CCSER1: variants seen among roughly 807,000 people sequenced by gnomAD.
CCSER1 encodes the protein serine-rich coiled-coil domain-containing protein 1.
Under a neutral mutation model 82.0 loss-of-function variants are expected in CCSER1, and 41 were observed. The ratio of observed to expected loss-of-function variants is 0.50; its 90% confidence interval spans 0.39 to 0.65. CCSER1 has a LOEUF of 0.65. CCSER1 is among the 30% of genes least tolerant of loss of function. The pLI, the probability that CCSER1 is intolerant of heterozygous loss-of-function variation, is 0.00. For synonymous variants in CCSER1, 414 were observed against 383.9 expected, an observed-to-expected ratio of 1.08 and a Z score of -0.92; for missense variants, 1,119 against 1,064.2, an observed-to-expected ratio of 1.05 and a Z score of -0.72.
intron 9 of CCSER1, among the ~76,000 whole-genome samples, chr4:91,061,690 C>A (rs1214246055): frequency 6.6e-6 from 1 of 151,982 alleles, no homozygotes; most frequent in Admixed American, 6.6e-5. Context: ...TTGATAGGTT[C>A]TCCTACTACT....
At chr4:91,135,076 C>G (rs1192822365) in intron 10 of CCSER1, among the ~76,000 whole-genome samples, 1 of 151,026 alleles carries the variant, frequency 6.6e-6, no homozygotes, top group Non-Finnish European at 1.5e-5. Context: ...AAAAAAAAAA[C>G]TATTCTTACT....
At chr4:90,492,023 T>G (rs577512414) in intron 5 of CCSER1, among the ~76,000 whole-genome samples, 4 of 152,202 alleles carry the variant, frequency 2.6e-5, no homozygotes, top group Non-Finnish European at 5.9e-5. Flanking sequence ...CGGATGATGC[T>G]GGCCTCATAA....
intron 9 of CCSER1, among the ~76,000 whole-genome samples, chr4:90,976,692 CT>C (rs1001344482): frequency 1.3e-5 from 2 of 151,350 alleles, no homozygotes; most frequent in African/African-American, 4.9e-5. Context: ...TGTAGTTATA[CT>C]GTAAATAAAT....
At chr4:90,984,430 T>C (rs1736402836) in intron 9 of CCSER1, among the ~76,000 whole-genome samples, 1 of 151,748 alleles carries the variant, frequency 6.6e-6, no homozygotes, top group Admixed American at 6.6e-5. Context: ...AGCAGGATCC[T>C]GGTAATGGCT....
chr4:90,170,875 A>G (rs1048016531), intron 1 of CCSER1, among the ~76,000 whole-genome samples: 3 of 151,882 alleles, frequency 2.0e-5, no homozygotes, highest in Admixed American at 1.3e-4. Context: ...TCTTCTGAGT[A>G]TGTAGCTAGC....
At chr4:91,246,527 C>G (rs909452263) in intron 10 of CCSER1, among the ~76,000 whole-genome samples, 4 of 152,072 alleles carry the variant, frequency 2.6e-5, no homozygotes, top group Non-Finnish European at 5.9e-5. Flanking sequence ...CCAGCAATCC[C>G]AATGCTGGGT....
chr4:90,875,139 C>A (rs979786807), intron 8 of CCSER1, among the ~76,000 whole-genome samples: 1 of 152,092 alleles, frequency 6.6e-6, no homozygotes, highest in Admixed American at 6.6e-5. Context: ...AGTATGTTCC[C>A]GAGTGCTTGA....
chr4:90,461,215 G>A lies in CCSER1; in HGVS notation c.1604-7019G>A, dbSNP rs1024002170. Among the ~76,000 whole-genome samples the A allele has an allele frequency of 1.0e-4, 14 of 138,912 alleles. 2 individuals carry two copies. Among genetic ancestry groups the A allele is most frequent in the Middle Eastern group, 3.4e-3 (1 of 292 alleles). 91.1% of individuals were successfully genotyped at this position (138,912 alleles called of 152,430 possible). A position where few individuals can be genotyped will look rare whatever the true frequency, so the allele number is the denominator to read the frequency against. On this transcript the variant is annotated intron_variant, in intron 4 of 10. Transcript: ENST00000509176. ...CAAGTAGCTGGGACTACAGGCGCCC[G>A]CCACTACGCCCGGCTAATTTTTTGT...
chr4:90,654,224 G>A (rs756234824), intron 6 of CCSER1, among the ~76,000 whole-genome samples: 19 of 151,992 alleles, frequency 1.3e-4, no homozygotes, highest in East Asian at 5.8e-4. Flanking sequence ...ATGTGAATTC[G>A]TTGGGATGCT....
At chr4:90,447,785 T>A (rs1394103080) in intron 4 of CCSER1, among the ~76,000 whole-genome samples, 1 of 152,164 alleles carries the variant, frequency 6.6e-6, no homozygotes, top group Non-Finnish European at 1.5e-5. Flanking sequence ...CTGACACACA[T>A]GAAAATTAGA....
intron 7 of CCSER1, among the ~76,000 whole-genome samples, chr4:90,798,885 G>A (rs370446492): frequency 5.9e-5 from 9 of 152,258 alleles, no homozygotes; most frequent in East Asian, 3.9e-4. Flanking sequence ...GGGTGGTGGC[G>A]GAAGGTGCTT....
intron 10 of CCSER1, among the ~76,000 whole-genome samples, chr4:91,259,625 T>C (rs1305694690): frequency 6.6e-6 from 1 of 150,686 alleles, no homozygotes; most frequent in Non-Finnish European, 1.5e-5. Context: ...CAATATGTGA[T>C]GTTCCCCTCC....
At chr4:90,306,725 A>T (rs1734349221) in intron 1 of CCSER1, among the ~76,000 whole-genome samples, 1 of 152,176 alleles carries the variant, frequency 6.6e-6, no homozygotes, top group South Asian at 2.1e-4. Context: ...TTTGTATAGT[A>T]TTTGTTAATT....
chr4:91,148,515 AG>A (rs1729775158), intron 10 of CCSER1, among the ~76,000 whole-genome samples: 1 of 152,062 alleles, frequency 6.6e-6, no homozygotes, highest in African/African-American at 2.4e-5. Context: ...TTTAAGTTCC[AG>A]GGTTCATGTG....
At chr4:90,534,249 C>A (rs1209847778) in intron 5 of CCSER1, among the ~76,000 whole-genome samples, 1 of 152,192 alleles carries the variant, frequency 6.6e-6, no homozygotes, top group African/African-American at 2.4e-5. Context: ...CCTGCCTCAG[C>A]CTCCCGAGTA....
chr4:90,963,858 T>A (rs1561424809), intron 9 of CCSER1, among the ~76,000 whole-genome samples: 1 of 152,128 alleles, frequency 6.6e-6, no homozygotes, highest in African/African-American at 2.4e-5. Flanking sequence ...TAAAAAAAAA[T>A]AAAGAAAATT....
chr4:90,385,214 A>T (rs1300159862), intron 3 of CCSER1, among the ~76,000 whole-genome samples: 1 of 152,166 alleles, frequency 6.6e-6, no homozygotes, highest in Non-Finnish European at 1.5e-5. Context: ...TCTTTTTGAC[A>T]TAATGACTTA....
At chr4:90,718,325 A>G (rs570036140) in intron 6 of CCSER1, among the ~76,000 whole-genome samples, 3 of 152,194 alleles carry the variant, frequency 2.0e-5, no homozygotes, top group East Asian at 1.9e-4. Context: ...TTTCAGCCCA[A>G]TTGATCATGT....
At chr4:90,130,066 T>G (rs1490629205) in intron 1 of CCSER1, among the ~76,000 whole-genome samples, 1 of 152,236 alleles carries the variant, frequency 6.6e-6, no homozygotes, top group Non-Finnish European at 1.5e-5. Flanking sequence ...GAATGTTAAT[T>G]TAGATAAAAC....
Sources: allele counts gnomAD v4.1 joint callset (sites outside exome capture counted in the v4.1 genomes callset), GRCh38; gene constraint gnomAD v4.1.1; transcripts MANE v1.5; gene names NCBI Gene and HGNC (gene_info 2026-07-23, HGNC 2026-07-21).